Variants in COLEC10 observed in about 807,000 individuals in gnomAD.
COLEC10 encodes collectin subfamily member 10.
Under a neutral mutation model 28.4 loss-of-function variants are expected in COLEC10, and 22 were observed. The ratio of observed to expected loss-of-function variants is 0.78; its 90% CI spans 0.55 to 1.11. COLEC10 has a LOEUF of 1.11. Ranked by LOEUF, COLEC10 falls within the 50% of genes least tolerant of loss-of-function variation. The pLI is 0.00. For missense variants in COLEC10, 361 were observed against 344.1 expected (o/e 1.05, Z -0.39); for synonymous variants, 125 against 116.1 (o/e 1.08, Z -0.49).
chr8:118,983,463 T>C, the COLEC10 span, among the ~76,000 whole-genome samples: 1 of 152,226 alleles, frequency 6.6e-6, no homozygotes, highest in South Asian at 2.1e-4. Flanking sequence ...TTATGGAGGC[T>C]CATAGATACC....
At chr8:119,099,649 A>G (rs1815783899) in intron 3 of COLEC10, among the ~76,000 whole-genome samples, 1 of 150,288 alleles carries the variant, frequency 6.7e-6, no homozygotes, top group Non-Finnish European at 1.5e-5. Context: ...AAAATACTGA[A>G]AACTAGTCAC....
At chr8:118,957,471 G>A in the COLEC10 span, among the ~76,000 whole-genome samples, 2 of 152,286 alleles carry the variant, frequency 1.3e-5, no homozygotes, top group African/African-American at 4.8e-5. Context: ...GCCCAAGGGA[G>A]TAAAGTCAAT....
At chr8:119,091,292 G>A in intron 3 of COLEC10, 72 bp downstream of exon 3, 2 of 1,130,224 alleles carry the variant, frequency 1.8e-6, no homozygotes, top group African/African-American at 1.6e-5. Flanking sequence ...GCTCACACCA[G>A]TAATCCCAAC....
chr8:118,986,875 G>T, the COLEC10 span, among the ~76,000 whole-genome samples: 2 of 152,126 alleles, frequency 1.3e-5, no homozygotes, highest in African/African-American at 4.8e-5. Flanking sequence ...TAGTTTTCAG[G>T]TATAGGATGT....
At chr8:119,022,389 AT>A (rs1390560531) in intron 2 of COLEC10, among the ~76,000 whole-genome samples, 1 of 152,146 alleles carries the variant, frequency 6.6e-6, no homozygotes, top group Non-Finnish European at 1.5e-5. Flanking sequence ...AGCACCAAAG[AT>A]TTTTTAAAAG....
chr8:118,976,247 C>A, the COLEC10 span, among the ~76,000 whole-genome samples: 1 of 151,998 alleles, frequency 6.6e-6, no homozygotes, highest in Admixed American at 6.6e-5. Flanking sequence ...TGGTTTTGAA[C>A]ATTTAGTTGC....
chr8:118,972,319 T>C, the COLEC10 span, among the ~76,000 whole-genome samples: 9 of 152,012 alleles, frequency 5.9e-5, no homozygotes, highest in African/African-American at 1.7e-4. Flanking sequence ...TTTTACTCCA[T>C]TCTTGGCTCC....
In COLEC10 at chr8:119,087,115, T is replaced by A. The variant is rs544951523; in HGVS notation, c.149-2565T>A. Among the ~76,000 whole-genome samples, 10 of 152,332 alleles carry A rather than the reference T, an allele frequency of 6.6e-5. No individual in the cohort carries two copies. In the East Asian group the frequency reaches 1.9e-3, roughly 29 times the overall value. ...TGCTAAGAACATTTTTGGCACAAAC[T>A]ATTTGATAAATACTGCTATTATATT... is the stretch of plus-strand genomic sequence containing the variant. On this transcript the variant is annotated intron_variant, in intron 1 of 5. Transcript: ENST00000332843.
chr8:119,012,742 C>G (rs760536588), intron 2 of COLEC10, among the ~76,000 whole-genome samples: 1 of 150,350 alleles, frequency 6.7e-6, no homozygotes, highest in Non-Finnish European at 1.5e-5. Context: ...TCTAGGTTAT[C>G]AAATATGTAG....
intron 2 of COLEC10, among the ~76,000 whole-genome samples, chr8:119,033,912 A>T (rs964714989): frequency 4.6e-5 from 7 of 152,240 alleles, no homozygotes; most frequent in Non-Finnish European, 8.8e-5. Flanking sequence ...AAGGTTTATA[A>T]ATCACTTTAC....
intron 1 of COLEC10, among the ~76,000 whole-genome samples, chr8:119,070,442 C>CT: frequency 7.7e-6 from 1 of 130,392 alleles, no homozygotes; most frequent in African/African-American, 3.1e-5. Context: ...AAATGTTCTC[C>CT]CTCGCTCTCT....
intron 2 of COLEC10, among the ~76,000 whole-genome samples, chr8:119,013,722 C>A (rs894945054): frequency 6.7e-6 from 1 of 150,310 alleles, no homozygotes; most frequent in African/African-American, 2.5e-5. Context: ...TACGTAATGC[C>A]CCTCCTTTTT....
the COLEC10 span, among the ~76,000 whole-genome samples, chr8:118,969,198 G>A: frequency 1.3e-5 from 2 of 151,974 alleles, no homozygotes; most frequent in African/African-American, 4.8e-5. Flanking sequence ...GAATAAAGGA[G>A]AGAACAGATT....
chr8:119,011,956 TTCTTG>T (rs1813906663), intron 2 of COLEC10, among the ~76,000 whole-genome samples: 1 of 150,842 alleles, frequency 6.6e-6, no homozygotes, highest in African/African-American at 2.5e-5. Flanking sequence ...TTTTTTCCTG[TTCTTG>T]TCTTGTTGCA....
chr8:119,002,586 G>T (rs922953220), intron 1 of COLEC10, among the ~76,000 whole-genome samples: 3 of 152,074 alleles, frequency 2.0e-5, no homozygotes, highest in African/African-American at 7.2e-5. Context: ...GAATAAGTAG[G>T]ATAATCTAGG....
chr8:119,020,743 T>C (rs1029185443), intron 2 of COLEC10, among the ~76,000 whole-genome samples: 2 of 152,200 alleles, frequency 1.3e-5, no homozygotes, highest in Non-Finnish European at 2.9e-5. Context: ...TCCTGAAGGC[T>C]AAAAGCTTGT....
At chr8:119,034,698 G>T (rs549917170) in intron 2 of COLEC10, among the ~76,000 whole-genome samples, 6 of 152,284 alleles carry the variant, frequency 3.9e-5, no homozygotes, top group South Asian at 4.2e-4. Flanking sequence ...GACAGAGTGA[G>T]ACTCCATCTC....
At chr8:119,024,396 T>A (rs192013959) in intron 2 of COLEC10, among the ~76,000 whole-genome samples, 6 of 152,142 alleles carry the variant, frequency 3.9e-5, no homozygotes, top group Non-Finnish European at 7.4e-5. Context: ...AGTTTTCTTA[T>A]AGTGAGTCCC....
chr8:119,066,340 A>T (rs1465804879), upstream of COLEC10, among the ~76,000 whole-genome samples: 1 of 152,210 alleles, frequency 6.6e-6, no homozygotes, highest in Non-Finnish European at 1.5e-5. Context: ...TGTGGAATAG[A>T]TAGAGATCCT....
Sources: allele counts gnomAD v4.1 joint callset (sites outside exome capture counted in the v4.1 genomes callset), GRCh38; gene constraint gnomAD v4.1.1; transcripts MANE v1.5; gene names NCBI Gene and HGNC (gene_info 2026-07-23, HGNC 2026-07-21).